Variants in CNR2 observed in about 807,000 individuals in gnomAD.
CNR2 encodes the protein cannabinoid receptor 2.
For missense variants in CNR2, 379 were observed against 439.9 expected (o/e 0.86, Z 1.24); for synonymous variants, 172 against 182.2 (o/e 0.94, Z 0.45).
chr1:23,883,819 C>T (rs982607274), intron 1 of CNR2, among the ~76,000 whole-genome samples: 3 of 151,968 alleles, frequency 2.0e-5, no homozygotes, highest in African/African-American at 7.3e-5. Flanking sequence ...AGCAAGACTC[C>T]ATCTCCAAAA....
Position 23,874,502 on chromosome 1 carries a change from G to C in CNR2, c.*33C>G. 1 of 1,588,728 alleles carries C rather than the reference G, an allele frequency of 6.3e-7. No homozygotes were observed. The highest frequency in any genetic ancestry group is 8.6e-7 in the Non-Finnish European group (1 of 1,167,278). ...TCTTCCAGGGAGTGAACTGATTTCT[G>C]ACTTGAGTTGTTTAAATTGGGAAGA... On this transcript the variant is annotated 3_prime_UTR_variant, in exon 2 of 2. Coordinates refer to ENST00000374472, the MANE Select transcript of CNR2 (RefSeq NM_001841.3).
chr1:23,881,553 C>T (rs1489498576), intron 1 of CNR2, among the ~76,000 whole-genome samples: 1 of 150,858 alleles, frequency 6.6e-6, no homozygotes, highest in Non-Finnish European at 1.5e-5. Context: ...CACTACACTC[C>T]AGCCTGGGCA....
intron 1 of CNR2, among the ~76,000 whole-genome samples, chr1:23,876,141 TC>T (rs1337946962): frequency 6.6e-6 from 1 of 152,146 alleles, no homozygotes; most frequent in Non-Finnish European, 1.5e-5. Flanking sequence ...TGGCTTAACA[TC>T]AAGTGATGGG....
intron 1 of CNR2, among the ~76,000 whole-genome samples, chr1:23,910,480 C>T (rs1005896207): frequency 6.6e-6 from 1 of 151,324 alleles, no homozygotes; most frequent in Non-Finnish European, 1.5e-5. Flanking sequence ...CATGCAGAAA[C>T]CCCATCCCTA....
At chr1:23,890,572 C>G (rs1034181319) in intron 1 of CNR2, among the ~76,000 whole-genome samples, 7 of 151,896 alleles carry the variant, frequency 4.6e-5, no homozygotes, top group African/African-American at 1.7e-4. Flanking sequence ...ATGGTGAAAC[C>G]CCATCTCTAC....
chr1:23,884,050 T>C (rs1256696131), intron 1 of CNR2, among the ~76,000 whole-genome samples: 1 of 150,840 alleles, frequency 6.6e-6, no homozygotes, highest in Non-Finnish European at 1.5e-5. Flanking sequence ...GAAAAATCTG[T>C]GCCTCTCTAT....
Position 23,911,702 on chromosome 1 carries a change from A to T in CNR2, c.-46+1544T>A, listed in dbSNP as rs1315999055. Among the ~76,000 whole-genome samples the T allele has an allele frequency of 2.0e-5, 3 of 152,262 alleles. No individual in the cohort carries two copies. In the East Asian group the frequency reaches 5.8e-4, roughly 29 times the overall value. On this transcript the variant is annotated intron_variant, in intron 1 of 1. Transcript: ENST00000374472. ...TGGGAAGAGAGGGGGCTGGCGCTGG[A>T]GGGCTCTGCTTGGCTGAGCCAGGCT...
intron 1 of CNR2, among the ~76,000 whole-genome samples, chr1:23,904,233 T>C (rs1276368893): frequency 2.7e-5 from 4 of 150,036 alleles, no homozygotes; most frequent in African/African-American, 9.8e-5. Context: ...AGTGCAGTGG[T>C]GCGATCTCGG....
chr1:23,897,638 T>C (rs778933830), intron 1 of CNR2, among the ~76,000 whole-genome samples: 1 of 151,984 alleles, frequency 6.6e-6, no homozygotes, highest in Non-Finnish European at 1.5e-5. Flanking sequence ...ATTTTTGTGT[T>C]TTTAGTAGAG....
intron 1 of CNR2, among the ~76,000 whole-genome samples, chr1:23,878,193 C>A (rs4341315): frequency 3.3e-5 from 5 of 151,672 alleles, no homozygotes; most frequent in African/African-American, 1.2e-4. Flanking sequence ...GGGAAAACCC[C>A]ATCTCTACAA....
chr1:23,884,197 A>AGGCTGGAGGCTGAG (rs1553140663), intron 1 of CNR2, among the ~76,000 whole-genome samples: 1 of 150,992 alleles, frequency 6.6e-6, no homozygotes, highest in Admixed American at 6.6e-5. Flanking sequence ...CTTGTGCCTC[A>AGGCTGGAGGCTGAG]GCCTCCCGAG....
At chr1:23,904,174 CATT>C (rs1179402839) in intron 1 of CNR2, among the ~76,000 whole-genome samples, 3 of 149,476 alleles carry the variant, frequency 2.0e-5, no homozygotes, top group African/African-American at 7.4e-5. Flanking sequence ...TTGTTCGTTT[CATT>C]GTTTTTTTTT....
rs758579649 is a variant in CNR2 at position 23,872,950 on chromosome 1, G to T, written c.*1585C>A. ...TAGACTGTAAGCCCCATGAGACAGG[G>T]GCACAGTCTCATTTATGGCTGGGTA... is the stretch of plus-strand genomic sequence containing the variant. On this transcript the variant is annotated 3_prime_UTR_variant, in exon 2 of 2. Coordinates refer to ENST00000374472, the MANE Select transcript of CNR2 (RefSeq NM_001841.3). 3 of 152,156 alleles carry T rather than the reference G, an allele frequency of 2.0e-5. No individual in the cohort carries two copies. The highest frequency in any genetic ancestry group is 4.4e-5 in the Non-Finnish European group (3 of 68,038). 9.4% of individuals were successfully genotyped at this position (152,156 alleles called of 1,614,324 possible).
At chr1:23,875,929 A>G (rs1639867369) in intron 1 of CNR2, among the ~76,000 whole-genome samples, 1 of 152,126 alleles carries the variant, frequency 6.6e-6, no homozygotes, top group African/African-American at 2.4e-5. Context: ...CCAAAAGACT[A>G]ATCCTAAGAC....
chr1:23,874,690 C>G lies in CNR2; in HGVS notation c.928G>C (p.Ala310Pro), dbSNP rs954473721. ...TTCCAGTGAGCCAGGCAGTGATGGG[C>G]AGAGGAGCGGATCTCTCCACTCCGT... is the stretch of plus-strand genomic sequence containing the variant. ...ALRSGEIRSS[A>P]HHCLAHWKKC... The change falls in exon 2 of 2, where the codon GCC (alanine) becomes CCC (proline). Residue 310 changes from alanine to proline, a missense_variant. Transcript: ENST00000374472. The G allele has an allele frequency of 1.3e-5, 21 of 1,614,022 alleles. No homozygotes were observed. In the African/African-American group the frequency reaches 2.5e-4, roughly 19 times the overall value.
At chr1:23,902,439 T>G in intron 1 of CNR2, 1 of 1,591,610 alleles carries the variant, frequency 6.3e-7, no homozygotes, top group Non-Finnish European at 8.6e-7. Context: ...TGGGACGATG[T>G]ACTTCTTAGC....
intron 1 of CNR2, among the ~76,000 whole-genome samples, chr1:23,910,126 T>C (rs1358833864): frequency 6.9e-6 from 1 of 144,730 alleles, no homozygotes; most frequent in Non-Finnish European, 1.5e-5. Flanking sequence ...TTTTTAATTT[T>C]TTTTTTTTTT....
At chr1:23,902,617 C>A in intron 1 of CNR2, 1 of 1,600,298 alleles carries the variant, frequency 6.2e-7, no homozygotes. Context: ...GAGCTGCAGA[C>A]AGCCAGGACG....
In CNR2 at chr1:23,875,049, T is replaced by C. The variant is rs763288928; in HGVS notation, c.569A>G (p.Tyr190Cys). 1.2e-6 allele frequency: 2 copies of C among 1,605,896 alleles called. No homozygotes were observed. Among genetic ancestry groups the C allele is most frequent in the East Asian group, 2.2e-5 (1 of 44,836 alleles). Residue 190 changes from tyrosine to cysteine, a missense_variant, in exon 2 of 2, where the codon TAC (tyrosine) becomes TGC (cysteine). Coordinates refer to ENST00000374472, the MANE Select transcript of CNR2 (RefSeq NM_001841.3). ...GATGAACAGGAGCCAGCTCAGCAGG[T>C]AGTCATTGGGGATCAGTGGGAAAAG... ...SELFPLIPND[Y>C]LLSWLLFIAF...
Sources: gnomAD v4.1 joint callset for allele counts (sites outside exome capture counted in the v4.1 genomes callset) on GRCh38, gnomAD v4.1.1 for gene constraint, MANE v1.5 for transcripts, NCBI Gene and HGNC (gene_info 2026-07-23, HGNC 2026-07-21) for gene names.